OSBPL10: variants seen among roughly 807,000 people sequenced by gnomAD.
OSBPL10 encodes oxysterol-binding protein-related protein 10.
Under a neutral mutation model 81.7 loss-of-function variants are expected in OSBPL10, and 49 were observed. The observed-to-expected ratio is 0.60, with a 90% CI of 0.48 to 0.76. The LOEUF is 0.76. Among genes scored for constraint, OSBPL10 ranks in the 30% least tolerant of loss-of-function variants. OSBPL10 has a pLI of 0.00. For synonymous variants in OSBPL10, 419 were observed against 383.6 expected (o/e 1.09, Z -1.08); for missense variants, 923 against 987.8 (o/e 0.93, Z 0.88).
At chr3:31,959,833 T>C (rs570987587) in intron 1 of OSBPL10, among the ~76,000 whole-genome samples, 1 of 152,186 alleles carries the variant, frequency 6.6e-6, no homozygotes, top group Non-Finnish European at 1.5e-5. Flanking sequence ...AGCCTCAGAA[T>C]AATGCTCCAT....
chr3:31,810,931 G>A lies in OSBPL10; in HGVS notation c.729+19109C>T, dbSNP rs569784027. On this transcript the variant is annotated intron_variant, in intron 4 of 11. Transcript: ENST00000396556. ...GCAGGTACTCCCTAAAGCATTGTTT[G>A]TAAGAGCAGAAAATTAGAAACACCC... is the stretch of plus-strand genomic sequence containing the variant. 2.6e-5 allele frequency among the ~76,000 whole-genome samples: 4 copies of A among 152,314 alleles called. No homozygotes were observed. The East Asian group carries it at 7.7e-4, about 29-fold the overall frequency.
intron 1 of OSBPL10, among the ~76,000 whole-genome samples, chr3:32,050,876 G>A (rs1024901118): frequency 6.6e-6 from 1 of 151,976 alleles, no homozygotes; most frequent in African/African-American, 2.4e-5. Flanking sequence ...GGTCAGCTGG[G>A]CTCGAACTCC....
chr3:32,013,139 A>G (rs1699276448), intron 2 of OSBPL10, among the ~76,000 whole-genome samples: 1 of 152,228 alleles, frequency 6.6e-6, no homozygotes, highest in African/African-American at 2.4e-5. Flanking sequence ...AACAGAATAT[A>G]CATTCTTCTC....
At chr3:31,936,967 C>A (rs909045198) in intron 1 of OSBPL10, among the ~76,000 whole-genome samples, 5 of 152,182 alleles carry the variant, frequency 3.3e-5, no homozygotes, top group African/African-American at 4.8e-5. Flanking sequence ...ATTATTCACT[C>A]TTCCAGTAAA....
At chr3:31,923,060 A>C (rs958539139) in intron 1 of OSBPL10, among the ~76,000 whole-genome samples, 4 of 152,212 alleles carry the variant, frequency 2.6e-5, no homozygotes, top group African/African-American at 9.7e-5. Flanking sequence ...TCACAAAGAA[A>C]GAACAAGGGG....
intron 1 of OSBPL10, among the ~76,000 whole-genome samples, chr3:31,938,019 G>A (rs1051497186): frequency 1.3e-5 from 2 of 152,026 alleles, no homozygotes; most frequent in South Asian, 2.1e-4. Context: ...AAGACCTAGC[G>A]TGGCTTTCCC....
chr3:31,778,979 TGAA>T (rs1383053979), intron 4 of OSBPL10, among the ~76,000 whole-genome samples: 5 of 152,068 alleles, frequency 3.3e-5, no homozygotes. Context: ...GCTTCATAAA[TGAA>T]GGAGAGATAA....
At chr3:32,070,396 C>A (rs1288961866) in intron 1 of OSBPL10, among the ~76,000 whole-genome samples, 1 of 152,188 alleles carries the variant, frequency 6.6e-6, no homozygotes, top group African/African-American at 2.4e-5. Context: ...ATCTGCTTCC[C>A]TGATTATTCC....
intron 2 of OSBPL10, among the ~76,000 whole-genome samples, chr3:32,013,256 G>A (rs58247914): frequency 0.21 from 31,563 of 151,964 alleles, 5,465 homozygotes; most frequent in East Asian, 0.47. Context: ...CTCAGACCAC[G>A]GTGCAAACAA....
intron 1 of OSBPL10, among the ~76,000 whole-genome samples, chr3:31,968,887 G>C (rs1698478687): frequency 6.6e-6 from 1 of 152,270 alleles, no homozygotes; most frequent in East Asian, 1.9e-4. Context: ...TTACCACAAA[G>C]AAATTTGCTG....
intron 2 of OSBPL10, chr3:31,990,969 CT>C: frequency 6.4e-7 from 1 of 1,573,114 alleles, no homozygotes; most frequent in South Asian, 1.2e-5. Context: ...GTGGCAAGGT[CT>C]TCAGTTAGAG....
chr3:31,793,819 C>T (rs903969383), intron 4 of OSBPL10, among the ~76,000 whole-genome samples: 1 of 152,202 alleles, frequency 6.6e-6, no homozygotes, highest in African/African-American at 2.4e-5. Context: ...TATCTGTGAA[C>T]TCCACATCTA....
At chr3:31,761,969 G>A (rs1698060116) in intron 4 of OSBPL10, among the ~76,000 whole-genome samples, 1 of 152,114 alleles carries the variant, frequency 6.6e-6, no homozygotes, top group African/African-American at 2.4e-5. Context: ...CAAAGGGAGG[G>A]CAGTGCTATT....
chr3:31,956,675 C>CCGAGATTG (rs1698016671), intron 1 of OSBPL10, among the ~76,000 whole-genome samples: 1 of 152,070 alleles, frequency 6.6e-6, no homozygotes, highest in Non-Finnish European at 1.5e-5. Flanking sequence ...TTGCACTGAG[C>CCGAGATTG]CGAGATTGCG....
intron 3 of OSBPL10, among the ~76,000 whole-genome samples, chr3:31,843,104 G>A (rs1379609298): frequency 1.3e-5 from 2 of 152,210 alleles, no homozygotes; most frequent in Non-Finnish European, 2.9e-5. Context: ...GACAGCATGA[G>A]GCCTTGGCTG....
chr3:31,975,297 A>G (rs1219412848), intron 1 of OSBPL10, among the ~76,000 whole-genome samples: 2 of 152,120 alleles, frequency 1.3e-5, no homozygotes, highest in African/African-American at 4.8e-5. Flanking sequence ...ATATGCAGAT[A>G]TTTCCTATGT....
At chr3:31,887,525 C>T (rs1040315865) in intron 1 of OSBPL10, among the ~76,000 whole-genome samples, 10 of 152,052 alleles carry the variant, frequency 6.6e-5, no homozygotes, top group Non-Finnish European at 1.2e-4. Context: ...TTAATCATTG[C>T]GGTGAAGGAA....
chr3:31,788,642 G>C (rs2125786917), intron 4 of OSBPL10, among the ~76,000 whole-genome samples: 1 of 152,178 alleles, frequency 6.6e-6, no homozygotes, highest in East Asian at 1.9e-4. Flanking sequence ...GGTAGGTGTG[G>C]TGGTGTACAC....
At chr3:32,051,813 G>C (rs1699672047) in intron 1 of OSBPL10, among the ~76,000 whole-genome samples, 1 of 152,152 alleles carries the variant, frequency 6.6e-6, no homozygotes, top group Admixed American at 6.5e-5. Context: ...TGTGTGTGAT[G>C]TCTATGTATG....
Sources: allele counts gnomAD v4.1 joint callset (sites outside exome capture counted in the v4.1 genomes callset), GRCh38; gene constraint gnomAD v4.1.1; transcripts MANE v1.5; gene names NCBI Gene and HGNC (gene_info 2026-07-23, HGNC 2026-07-21).